ZNF704: variants seen among roughly 807,000 people sequenced by gnomAD.
The protein encoded by ZNF704 is zinc finger protein 704.
ZNF704 carries 10 observed loss-of-function variants against 44.7 expected under a neutral mutation model. The observed-to-expected ratio is 0.22, with a 90% CI of 0.14 to 0.38. The LOEUF (loss-of-function observed/expected upper bound fraction) is 0.38, where lower values mean the gene tolerates loss of function less well. Among genes scored for constraint, ZNF704 ranks in the 10% least tolerant of loss-of-function variants. The pLI, the probability that ZNF704 is intolerant of heterozygous loss-of-function variation, is 1.00. For missense variants in ZNF704, 390 were observed against 545.5 expected, an observed-to-expected ratio of 0.71 and a Z score of 2.84; for synonymous variants, 211 against 207.6, an observed-to-expected ratio of 1.02 and a Z score of -0.14.
At chr8:80,848,559 C>T (rs1349744744) in intron 1 of ZNF704, among the ~76,000 whole-genome samples, 1 of 152,024 alleles carries the variant, frequency 6.6e-6, no homozygotes, top group Non-Finnish European at 1.5e-5. Flanking sequence ...AGTTTTAAAA[C>T]CTAGACTGGG....
intron 2 of ZNF704, among the ~76,000 whole-genome samples, chr8:80,748,466 A>T (rs1447993042): frequency 6.6e-6 from 1 of 152,226 alleles, no homozygotes; most frequent in Non-Finnish European, 1.5e-5. Context: ...CAGCTCCAGC[A>T]TCAGTGCCTT....
Position 80,643,073 on chromosome 8 carries a change from C to G in ZNF704, c.1089G>C (p.Thr363=). The change falls in exon 8 of 9, where the codon ACG becomes ACC. Residue 363 remains threonine, a synonymous_variant. Coordinates refer to ENST00000327835, the MANE Select transcript of ZNF704 (RefSeq NM_001033723.3). ...TGCCTCTGGGTGGGGAGGACAGGAC[C>G]GTGTGCGCATGCTGTCTCTGCTCTC... is the stretch of plus-strand genomic sequence containing the variant. ...GTGEQRQHAH[T]VLSSPPRGTV... is the part of the protein sequence containing the mutation. The G allele has an allele frequency of 1.2e-6, 2 of 1,604,184 alleles. No homozygotes were observed. The highest frequency in any genetic ancestry group is 4.5e-5 in the East Asian group (2 of 44,180).
chr8:80,744,561 A>C (rs939979755), intron 2 of ZNF704, among the ~76,000 whole-genome samples: 1 of 152,214 alleles, frequency 6.6e-6, no homozygotes, highest in Non-Finnish European at 1.5e-5. Context: ...CATTCAAAAA[A>C]TCGTGTCATC....
At chr8:80,716,718 T>C (rs1819077928) in intron 2 of ZNF704, among the ~76,000 whole-genome samples, 1 of 152,258 alleles carries the variant, frequency 6.6e-6, no homozygotes, top group South Asian at 2.1e-4. Context: ...TTTTTGGCAC[T>C]GGTCTCTGTT....
intron 2 of ZNF704, among the ~76,000 whole-genome samples, chr8:80,724,604 C>T (rs1022033011): frequency 4.6e-5 from 7 of 152,172 alleles, no homozygotes; most frequent in Non-Finnish European, 1.5e-5. Context: ...TTAATGAAAC[C>T]TTCACTAAAT....
chr8:80,755,537 A>G (rs1222253263), intron 2 of ZNF704, among the ~76,000 whole-genome samples: 2 of 152,208 alleles, frequency 1.3e-5, no homozygotes, highest in African/African-American at 2.4e-5. Context: ...ACTGAGAAAC[A>G]GTGATTCCCA....
intron 8 of ZNF704, among the ~76,000 whole-genome samples, chr8:80,642,319 T>C (rs566000509): frequency 3.3e-5 from 5 of 152,240 alleles, no homozygotes; most frequent in Non-Finnish European, 7.3e-5. Context: ...GGAAGCACTT[T>C]ATAGCTTGTC....
At chr8:80,801,397 A>G (rs1807897132) in intron 2 of ZNF704, among the ~76,000 whole-genome samples, 1 of 152,210 alleles carries the variant, frequency 6.6e-6, no homozygotes, top group African/African-American at 2.4e-5. Context: ...ACTTACTCTA[A>G]AACTGATCAC....
chr8:80,790,203 C>T (rs1247400371), intron 2 of ZNF704, among the ~76,000 whole-genome samples: 1 of 152,138 alleles, frequency 6.6e-6, no homozygotes, highest in Admixed American at 6.5e-5. Context: ...TAAGTTTCAA[C>T]TGTGCAAGGA....
chr8:80,811,291 T>C (rs1380571928), intron 2 of ZNF704, among the ~76,000 whole-genome samples: 3 of 152,246 alleles, frequency 2.0e-5, no homozygotes, highest in Admixed American at 6.5e-5. Flanking sequence ...TTAAGATACA[T>C]TGGGTTAAAT....
At chr8:80,706,549 T>TG in intron 2 of ZNF704, among the ~76,000 whole-genome samples, 1 of 152,348 alleles carries the variant, frequency 6.6e-6, no homozygotes, top group African/African-American at 2.4e-5. Flanking sequence ...CCACCCATAT[T>TG]GGGCTCCCCA....
intron 1 of ZNF704, among the ~76,000 whole-genome samples, chr8:80,831,977 C>A (rs1020545803): frequency 7.2e-5 from 11 of 152,212 alleles, no homozygotes; most frequent in Non-Finnish European, 1.0e-4. Flanking sequence ...CCATCAAATT[C>A]TTTCTCCCTA....
intron 2 of ZNF704, among the ~76,000 whole-genome samples, chr8:80,718,489 A>G (rs182988267): frequency 8.1e-4 from 123 of 152,214 alleles, no homozygotes; most frequent in African/African-American, 2.9e-3. Flanking sequence ...AGCCCGTAAA[A>G]TTGGACAGAC....
chr8:80,771,559 C>T (rs1586015724), intron 2 of ZNF704, among the ~76,000 whole-genome samples: 1 of 152,082 alleles, frequency 6.6e-6, no homozygotes, highest in East Asian at 1.9e-4. Flanking sequence ...ATCCTTTGAC[C>T]TTGCTTAACT....
intron 5 of ZNF704, among the ~76,000 whole-genome samples, chr8:80,666,816 G>GT (rs1212484946): frequency 3.3e-5 from 5 of 150,124 alleles, no homozygotes; most frequent in Non-Finnish European, 7.4e-5. Flanking sequence ...GGGGTTGTTT[G>GT]TTTTTTTCTT....
intron 5 of ZNF704, among the ~76,000 whole-genome samples, chr8:80,668,521 C>T (rs978706974): frequency 6.6e-6 from 1 of 152,134 alleles, no homozygotes; most frequent in Non-Finnish European, 1.5e-5. Context: ...CTGTTCTATT[C>T]CTGTCCCCAC....
chr8:80,857,268 T>G (rs1006080706), intron 1 of ZNF704, among the ~76,000 whole-genome samples: 30 of 152,218 alleles, frequency 2.0e-4, no homozygotes, highest in African/African-American at 5.8e-4. Context: ...AAGATGATAT[T>G]GAATAAAACA....
At chr8:80,817,134 A>G (rs888789985) in intron 2 of ZNF704, among the ~76,000 whole-genome samples, 2 of 152,182 alleles carry the variant, frequency 1.3e-5, no homozygotes, top group Non-Finnish European at 2.9e-5. Context: ...TGCACTGGTA[A>G]CTCAAAGGGC....
chr8:80,841,729 C>T (rs1410416224), intron 1 of ZNF704, among the ~76,000 whole-genome samples: 1 of 152,180 alleles, frequency 6.6e-6, no homozygotes, highest in Non-Finnish European at 1.5e-5. Context: ...AGCAGAGATA[C>T]ATATCAAATG....
Sources: gnomAD v4.1 joint callset for allele counts (sites outside exome capture counted in the v4.1 genomes callset) on GRCh38, gnomAD v4.1.1 for gene constraint, MANE v1.5 for transcripts, NCBI Gene and HGNC (gene_info 2026-07-23, HGNC 2026-07-21) for gene names.